The following DPYD variants were observed in gnomAD, a reference collection of about 807,000 sequenced individuals.
DPYD encodes the protein dihydropyrimidine dehydrogenase.
In DPYD, 109 loss-of-function variants were observed where a neutral mutation model predicts 116.2. The ratio of observed to expected loss-of-function variants is 0.94; its 90% confidence interval spans 0.80 to 1.10. The LOEUF is 1.10. DPYD is among the 50% of genes least tolerant of loss of function. The pLI, the probability that DPYD is intolerant of heterozygous loss-of-function variation, is 0.00. For missense variants in DPYD, 1,302 were observed against 1,254.5 expected (o/e 1.04, Z -0.57); for synonymous variants, 440 against 432.0 (o/e 1.02, Z -0.23).
At chr1:97,159,761 T>C (rs957789082) in intron 20 of DPYD, among the ~76,000 whole-genome samples, 3 of 152,048 alleles carry the variant, frequency 2.0e-5, no homozygotes, top group African/African-American at 7.2e-5. Context: ...AAAAATTAAT[T>C]AGAAATACAT....
At chr1:97,902,881 C>A (rs1673433068) in intron 1 of DPYD, among the ~76,000 whole-genome samples, 1 of 151,832 alleles carries the variant, frequency 6.6e-6, no homozygotes, top group African/African-American at 2.4e-5. Context: ...TAAATAACTG[C>A]AATAACTTCC....
intron 20 of DPYD, among the ~76,000 whole-genome samples, chr1:97,122,284 A>G (rs1349588201): frequency 3.3e-5 from 5 of 152,158 alleles, no homozygotes; most frequent in African/African-American, 1.2e-4. Context: ...TAGCTCTTAA[A>G]GAGGAGACAG....
At chr1:97,676,326 C>A (rs1294189689) in intron 8 of DPYD, among the ~76,000 whole-genome samples, 1 of 152,080 alleles carries the variant, frequency 6.6e-6, no homozygotes, top group African/African-American at 2.4e-5. Flanking sequence ...AGGTAACAGA[C>A]AATGAGATGA....
At position 97,890,607 on chromosome 1, in the gene DPYD, T is replaced by C. The variant is rs377152632; in HGVS notation, c.40-7233A>G. Reference sequence around the variant, plus strand: ...TGCTTATAGAAAAAAAGTGAAAACATTTTCTTATTCCAGAATATAATGTTT... The same window carrying C: ...TGCTTATAGAAAAAAAGTGAAAACACTTTCTTATTCCAGAATATAATGTTT... On this transcript the variant is annotated intron_variant, in intron 1 of 22. Coordinates refer to ENST00000370192, the MANE Select transcript of DPYD (RefSeq NM_000110.4). 1.2e-3 allele frequency among the ~76,000 whole-genome samples: 177 copies of C among 152,026 alleles called. 2 individuals are homozygous for C. Among genetic ancestry groups the C allele is most frequent in the African/African-American group, 4.0e-3 (168 of 41,552 alleles).
At chr1:97,586,440 G>C (rs1449153981) in intron 10 of DPYD, 1 of 126,508 alleles carries the variant, frequency 7.9e-6, no homozygotes, top group Non-Finnish European at 1.6e-5. Context: ...GAATCTGTGG[G>C]CTTATCTGTG....
intron 19 of DPYD, among the ~76,000 whole-genome samples, chr1:97,226,750 C>T (rs1007670795): frequency 1.3e-5 from 2 of 151,962 alleles, no homozygotes; most frequent in Non-Finnish European, 2.9e-5. Context: ...ATAAGATACC[C>T]TATGTTCAAG....
At chr1:97,298,395 C>T (rs1466501574) in intron 18 of DPYD, among the ~76,000 whole-genome samples, 3 of 152,124 alleles carry the variant, frequency 2.0e-5, no homozygotes, top group Non-Finnish European at 4.4e-5. Context: ...CACTGATCTA[C>T]TGGAATCTCA....
chr1:97,428,702 A>G (rs921376184), intron 14 of DPYD, among the ~76,000 whole-genome samples: 1 of 152,166 alleles, frequency 6.6e-6, no homozygotes, highest in South Asian at 2.1e-4. Context: ...ACTTCATAAC[A>G]TCTCTTACAG....
chr1:97,399,360 T>G (rs1029262409), intron 14 of DPYD, among the ~76,000 whole-genome samples: 3 of 152,192 alleles, frequency 2.0e-5, no homozygotes, highest in African/African-American at 7.2e-5. Context: ...CCTAGTAGTA[T>G]AGTTTGAAGT....
chr1:97,312,550 T>C (rs969878218), intron 16 of DPYD, among the ~76,000 whole-genome samples: 3 of 151,918 alleles, frequency 2.0e-5, no homozygotes, highest in Non-Finnish European at 2.9e-5. Context: ...CTATAATCCA[T>C]ACAATGAAAT....
At chr1:97,442,916 A>G (rs1173440139) in intron 14 of DPYD, among the ~76,000 whole-genome samples, 1 of 152,238 alleles carries the variant, frequency 6.6e-6, no homozygotes, top group African/African-American at 2.4e-5. Context: ...AGTAGGGATA[A>G]AAACCAAATG....
At chr1:97,120,017 G>A (rs1409911172) in intron 20 of DPYD, among the ~76,000 whole-genome samples, 1 of 152,138 alleles carries the variant, frequency 6.6e-6, no homozygotes, top group East Asian at 1.9e-4. Context: ...CTCTGCAGAG[G>A]GAGAGGCAGG....
At chr1:97,378,711 A>G (rs1437705123) in intron 15 of DPYD, among the ~76,000 whole-genome samples, 4 of 152,190 alleles carry the variant, frequency 2.6e-5, no homozygotes, top group Non-Finnish European at 5.9e-5. Context: ...ACTTCATTCA[A>G]CAAATATCTG....
Position 97,450,359 on chromosome 1 carries a change from T to C in DPYD, c.1741-136A>G, listed in dbSNP as rs1335071047. ...TTGCAGAGGAATTTTTAATATACAT[T>C]AAATTAGAATTGAACATAAACTACT... On this transcript the variant is annotated intron_variant, in intron 13 of 22. Coordinates refer to ENST00000370192, the MANE Select transcript of DPYD (RefSeq NM_000110.4). The C allele has an allele frequency of 4.7e-6, 4 of 849,046 alleles. No individual in the cohort carries two copies. The East Asian group carries it at 1.1e-4, about 23-fold the overall frequency. 52.6% of individuals were successfully genotyped at this position (849,046 alleles called of 1,614,324 possible).
chr1:97,439,821 T>C (rs1557712630), intron 14 of DPYD, among the ~76,000 whole-genome samples: 1 of 152,138 alleles, frequency 6.6e-6, no homozygotes. Flanking sequence ...AACTTGAGAC[T>C]TTTTTTCATT....
At chr1:97,772,397 G>A (rs1454400367) in intron 3 of DPYD, among the ~76,000 whole-genome samples, 1 of 152,170 alleles carries the variant, frequency 6.6e-6, no homozygotes, top group East Asian at 1.9e-4. Flanking sequence ...AACAACAGCA[G>A]TATTCCACCT....
At chr1:97,795,531 T>C (rs1300383571) in intron 3 of DPYD, among the ~76,000 whole-genome samples, 3 of 152,012 alleles carry the variant, frequency 2.0e-5, no homozygotes, top group Admixed American at 1.3e-4. Flanking sequence ...AAGATCATAA[T>C]GCACATTGAC....
At chr1:97,218,797 C>A (rs1206391693) in intron 19 of DPYD, among the ~76,000 whole-genome samples, 1 of 151,974 alleles carries the variant, frequency 6.6e-6, no homozygotes, top group African/African-American at 2.4e-5. Flanking sequence ...ATCAGAGGGT[C>A]TAGTTTGTTG....
chr1:97,388,345 G>A (rs1481040271), intron 14 of DPYD, among the ~76,000 whole-genome samples: 2 of 151,952 alleles, frequency 1.3e-5, no homozygotes, highest in Non-Finnish European at 2.9e-5. Flanking sequence ...CACTAAAGAG[G>A]TCAAGGATAA....
Sources: allele counts gnomAD v4.1 joint callset (sites outside exome capture counted in the v4.1 genomes callset), GRCh38; gene constraint gnomAD v4.1.1; transcripts MANE v1.5; gene names NCBI Gene and HGNC (gene_info 2026-07-23, HGNC 2026-07-21).